NRG3: variants seen among roughly 807,000 people sequenced by gnomAD.
NRG3 encodes the protein pro-neuregulin-3, membrane-bound isoform.
NRG3 carries 31 observed loss-of-function variants against 66.9 expected under a neutral mutation model. The ratio of observed to expected loss-of-function variants is 0.46; its 90% CI spans 0.35 to 0.63. NRG3 has a LOEUF of 0.63. NRG3 is among the 20% of genes least tolerant of loss of function. NRG3 has a pLI of 0.00. For synonymous variants in NRG3, 393 were observed against 359.4 expected, an observed-to-expected ratio of 1.09 and a Z score of -1.06; for missense variants, 910 against 878.9, an observed-to-expected ratio of 1.04 and a Z score of -0.45.
At chr10:81,901,252 T>C (rs1200253684) in intron 1 of NRG3, among the ~76,000 whole-genome samples, 1 of 152,236 alleles carries the variant, frequency 6.6e-6, no homozygotes, top group Non-Finnish European at 1.5e-5. Flanking sequence ...CTCCACTACC[T>C]GAGGCAGAAG....
chr10:82,446,673 T>C (rs565259607), intron 2 of NRG3, among the ~76,000 whole-genome samples: 1 of 152,006 alleles, frequency 6.6e-6, no homozygotes, highest in African/African-American at 2.4e-5. Context: ...CCAGGAAAAA[T>C]AGCCAATGGA....
chr10:82,266,714 G>T, intron 1 of NRG3, among the ~76,000 whole-genome samples: 1 of 152,176 alleles, frequency 6.6e-6, no homozygotes, highest in Admixed American at 6.5e-5. Flanking sequence ...CAGCTGTGCA[G>T]CCAGTCAGCA....
chr10:82,945,645 C>T (rs988447423), intron 4 of NRG3, among the ~76,000 whole-genome samples: 1 of 151,108 alleles, frequency 6.6e-6, no homozygotes, highest in African/African-American at 2.4e-5. Context: ...AACTAACCCC[C>T]TCCTGTGATA....
intron 1 of NRG3, among the ~76,000 whole-genome samples, chr10:82,345,812 T>C (rs1322029462): frequency 1.3e-5 from 2 of 151,596 alleles, no homozygotes; most frequent in Non-Finnish European, 3.0e-5. Context: ...AGGTATTTTA[T>C]TCTCTTTGAA....
chr10:82,811,491 A>C, intron 3 of NRG3, among the ~76,000 whole-genome samples: 1 of 152,216 alleles, frequency 6.6e-6, no homozygotes, highest in South Asian at 2.1e-4. Flanking sequence ...TCAGTGACCC[A>C]TTTGGCTTAG....
At chr10:81,934,572 A>G (rs1847689096) in intron 1 of NRG3, among the ~76,000 whole-genome samples, 1 of 152,206 alleles carries the variant, frequency 6.6e-6, no homozygotes, top group Non-Finnish European at 1.5e-5. Flanking sequence ...TGACTCATCC[A>G]AGCATACTGT....
At chr10:82,069,440 G>A (rs972449375) in intron 1 of NRG3, among the ~76,000 whole-genome samples, 5 of 152,106 alleles carry the variant, frequency 3.3e-5, no homozygotes, top group Admixed American at 6.6e-5. Flanking sequence ...ACACATGAGC[G>A]TATTTAACTT....
intron 4 of NRG3, among the ~76,000 whole-genome samples, chr10:82,936,186 A>T (rs1848049832): frequency 6.6e-6 from 1 of 152,170 alleles, no homozygotes; most frequent in South Asian, 2.1e-4. Flanking sequence ...TTGAATTTTG[A>T]AAAAATAAAA....
At chr10:81,916,674 T>G (rs1845743597) in intron 1 of NRG3, among the ~76,000 whole-genome samples, 1 of 152,068 alleles carries the variant, frequency 6.6e-6, no homozygotes, top group Non-Finnish European at 1.5e-5. Context: ...ATAGTGAAGG[T>G]GGCTATGAGC....
At chr10:82,156,479 G>A (rs2071194329) in intron 1 of NRG3, among the ~76,000 whole-genome samples, 1 of 151,600 alleles carries the variant, frequency 6.6e-6, no homozygotes, top group Non-Finnish European at 1.5e-5. Flanking sequence ...GGCAAGAACA[G>A]GTACTCTGAA....
At chr10:82,469,508 G>T (rs1003842394) in intron 2 of NRG3, among the ~76,000 whole-genome samples, 1 of 151,016 alleles carries the variant, frequency 6.6e-6, no homozygotes, top group Non-Finnish European at 1.5e-5. Context: ...TTGGGGGAAA[G>T]GTTCTGATGA....
At chr10:82,765,782 A>G (rs574150477) in intron 3 of NRG3, among the ~76,000 whole-genome samples, 1 of 152,226 alleles carries the variant, frequency 6.6e-6, no homozygotes, top group Non-Finnish European at 1.5e-5. Flanking sequence ...AATGTGTAGC[A>G]AGGTTTGTAG....
chr10:81,954,686 G>C (rs1424823087), intron 1 of NRG3, among the ~76,000 whole-genome samples: 2 of 152,080 alleles, frequency 1.3e-5, no homozygotes, highest in African/African-American at 2.4e-5. Flanking sequence ...AGGAGGGGTG[G>C]GTGTGAATGA....
intron 2 of NRG3, among the ~76,000 whole-genome samples, chr10:82,560,759 A>C (rs1306828339): frequency 6.6e-6 from 1 of 151,418 alleles, no homozygotes; most frequent in East Asian, 2.0e-4. Flanking sequence ...GAAATGTCTC[A>C]TATTAAAGAG....
intron 3 of NRG3, among the ~76,000 whole-genome samples, chr10:82,751,766 T>A (rs1372793827): frequency 6.6e-6 from 1 of 152,152 alleles, no homozygotes; most frequent in Non-Finnish European, 1.5e-5. Flanking sequence ...AGAACTAAAT[T>A]GAGAGATAAT....
chr10:82,949,360 C>T (rs191122246), intron 4 of NRG3, among the ~76,000 whole-genome samples: 155 of 151,748 alleles, frequency 1.0e-3, no homozygotes, highest in Admixed American at 1.4e-3. Context: ...TCGTCTTTTT[C>T]GGAATCATGA....
At chr10:82,797,184 T>C (rs2060836213) in intron 3 of NRG3, among the ~76,000 whole-genome samples, 2 of 152,286 alleles carry the variant, frequency 1.3e-5, no homozygotes, top group South Asian at 2.1e-4. Flanking sequence ...AAGATGTTAG[T>C]CCTTCTAATT....
chr10:82,548,606 G>A (rs1033214290), intron 2 of NRG3, among the ~76,000 whole-genome samples: 14 of 151,546 alleles, frequency 9.2e-5, no homozygotes, highest in Admixed American at 2.0e-4. Context: ...TTGTCCAGTC[G>A]GGCAAGGCAG....
At chr10:82,718,537 G>A (rs574903863) in intron 2 of NRG3, among the ~76,000 whole-genome samples, 2 of 152,256 alleles carry the variant, frequency 1.3e-5, no homozygotes, top group African/African-American at 2.4e-5. Flanking sequence ...GGTCAAAAAG[G>A]CCTAGACACA....
Sources: allele counts gnomAD v4.1 joint callset (sites outside exome capture counted in the v4.1 genomes callset), GRCh38; gene constraint gnomAD v4.1.1; transcripts MANE v1.5; gene names NCBI Gene and HGNC (gene_info 2026-07-23, HGNC 2026-07-21).